ADGRL2: variants seen among roughly 807,000 people sequenced by gnomAD.
ADGRL2 encodes adhesion G protein-coupled receptor L2, also known as calcium-independent alpha-latrotoxin receptor 2.
Under a neutral mutation model 157.4 loss-of-function variants are expected in ADGRL2, and 44 were observed. The observed-to-expected ratio is 0.28, with a 90% confidence interval of 0.22 to 0.36. ADGRL2 has a LOEUF of 0.36. ADGRL2 is among the 10% of genes least tolerant of loss of function. The probability of loss-of-function intolerance (pLI) is 1.00; values close to 1 mark genes in which losing one functional copy is unlikely to be tolerated. For synonymous variants in ADGRL2, 585 were observed against 624.7 expected (o/e 0.94, Z 0.95); for missense variants, 1,510 against 1,768.9 (o/e 0.85, Z 2.63).
intron 1 of ADGRL2, among the ~76,000 whole-genome samples, chr1:81,712,258 A>G (rs2083955998): frequency 2.0e-5 from 3 of 152,208 alleles, no homozygotes. Context: ...ATGAGATTCC[A>G]TGTTGTATTG....
chr1:81,693,894 C>T (rs2083391719), intron 3 of ADGRL2, among the ~76,000 whole-genome samples: 1 of 152,136 alleles, frequency 6.6e-6, no homozygotes, highest in Non-Finnish European at 1.5e-5. Flanking sequence ...TTGATATTTA[C>T]TGTGTTCCAG....
At position 81,375,253 on chromosome 1, in the gene ADGRL2, G is replaced by T. The variant is rs1235382616; in HGVS notation, c.-302+68744G>T. 3.9e-5 allele frequency among the ~76,000 whole-genome samples: 6 copies of T among 152,176 alleles called. No homozygotes were observed. The South Asian group carries it at 6.2e-4, about 16-fold the overall frequency. ...CAAGGAGTCAAGAAAACTTCATAGA[G>T]GAGGTATCAGTATAGCCCAAAATTA... On this transcript the variant is annotated intron_variant, in intron 1 of 24. Coordinates refer to the ADGRL2 transcript ENST00000370721.
chr1:81,860,271 T>C (rs964461503), intron 2 of ADGRL2, among the ~76,000 whole-genome samples: 32 of 152,100 alleles, frequency 2.1e-4, no homozygotes, highest in Non-Finnish European at 4.1e-4. Flanking sequence ...TATTCTATAT[T>C]TTAAAGACTA....
chr1:81,572,352 G>A (rs538397239), intron 2 of ADGRL2, among the ~76,000 whole-genome samples: 3 of 152,116 alleles, frequency 2.0e-5, no homozygotes, highest in Admixed American at 6.6e-5. Context: ...TATTTCTTGA[G>A]CACCTACAAT....
At chr1:81,334,029 C>T (rs1274358345) in intron 1 of ADGRL2, among the ~76,000 whole-genome samples, 1 of 152,210 alleles carries the variant, frequency 6.6e-6, no homozygotes, top group East Asian at 1.9e-4. Flanking sequence ...TCTTAGACTT[C>T]CTAACCTCCA....
At chr1:81,308,041 G>A (rs940581222) in intron 1 of ADGRL2, among the ~76,000 whole-genome samples, 1 of 151,820 alleles carries the variant, frequency 6.6e-6, no homozygotes, top group Admixed American at 6.6e-5. Context: ...GATCCTACTG[G>A]TATGCAAGCT....
chr1:81,391,292 T>C (rs1396790753), intron 1 of ADGRL2, among the ~76,000 whole-genome samples: 2 of 152,306 alleles, frequency 1.3e-5, no homozygotes, highest in Admixed American at 6.5e-5. Flanking sequence ...GAGACTGCCG[T>C]GCTAACATCA....
chr1:81,486,284 T>C (rs755798596), intron 2 of ADGRL2, among the ~76,000 whole-genome samples: 34 of 152,302 alleles, frequency 2.2e-4, no homozygotes, highest in South Asian at 1.0e-3. Flanking sequence ...CACTCGACTA[T>C]AAGCTCCTCA....
At chr1:81,532,972 C>CATCTATCTATCTATCT (rs142768526) in intron 2 of ADGRL2, among the ~76,000 whole-genome samples, 2 of 137,498 alleles carry the variant, frequency 1.5e-5, no homozygotes, top group African/African-American at 5.6e-5. Context: ...ATCTATCTAT[C>CATCTATCTATCTATCT]ATCTATCTAT....
At chr1:81,985,620 G>A (rs1239061668) in intron 21 of ADGRL2, among the ~76,000 whole-genome samples, 1 of 151,734 alleles carries the variant, frequency 6.6e-6, no homozygotes, top group East Asian at 1.9e-4. Context: ...ACATGAAACA[G>A]TACCATGGAA....
At chr1:81,758,297 G>A (rs1349926618) in intron 1 of ADGRL2, among the ~76,000 whole-genome samples, 1 of 152,114 alleles carries the variant, frequency 6.6e-6, no homozygotes, top group Non-Finnish European at 1.5e-5. Context: ...AGCAGCATAA[G>A]TGTTGTCTGG....
chr1:81,976,868 CAT>C (rs1043156972), intron 17 of ADGRL2, among the ~76,000 whole-genome samples: 9 of 151,870 alleles, frequency 5.9e-5, no homozygotes, highest in African/African-American at 2.2e-4. Flanking sequence ...ATGTAAATAA[CAT>C]AAATAGGATT....
Position 81,663,903 on chromosome 1 carries a change from T to C in ADGRL2, c.-143+82923T>C, listed in dbSNP as rs116716371. ...AAGTATGGTAAATAGATATGGTGGA[T>C]AAAGGCTGTTTAGTATGGTTTATAT... is the stretch of plus-strand genomic sequence containing the variant. On this transcript the variant is annotated intron_variant, in intron 3 of 24. Coordinates refer to the ADGRL2 transcript ENST00000370721. 2.4e-3 allele frequency among the ~76,000 whole-genome samples: 360 copies of C among 152,308 alleles called. 1 individual carries two copies. The highest frequency in any genetic ancestry group is 8.2e-3 in the African/African-American group (339 of 41,566).
chr1:81,401,922 G>T (rs772316018), intron 1 of ADGRL2, among the ~76,000 whole-genome samples: 1 of 152,110 alleles, frequency 6.6e-6, no homozygotes, highest in Non-Finnish European at 1.5e-5. Flanking sequence ...AACTTGTTCA[G>T]CCATAGAGAA....
chr1:81,380,853 G>A (rs1182670508), intron 1 of ADGRL2, among the ~76,000 whole-genome samples: 1 of 150,406 alleles, frequency 6.6e-6, no homozygotes, highest in African/African-American at 2.4e-5. Flanking sequence ...ATGAATGGTA[G>A]GAAAAAAAAA....
At position 81,990,552 on chromosome 1, in the gene ADGRL2, A is replaced by T. The variant is rs769048815; in HGVS notation, c.3817A>T (p.Ile1273Phe). ...SLNDTAFEKMIISELVHNNLR... is the reference protein window; with the variant it reads ...SLNDTAFEKMFISELVHNNLR... ...GAATGATACTGCTTTTGAGAAAATG[A>T]TCATTTCAGAATTAGTGCACAACAA... Residue 1273 changes from isoleucine (I) to phenylalanine (F), a missense_variant, in exon 24 of 24, where the codon ATC becomes TTC. This residue lies in a region of ADGRL2 where 327 missense variants were observed against 310.1 expected (regional missense o/e 1.05). Transcript: ENST00000686636. The T allele has an allele frequency of 3.7e-6, 6 of 1,613,982 alleles. No individual in the cohort carries two copies. The highest frequency in any genetic ancestry group is 2.7e-5 in the African/African-American group (2 of 74,904).
chr1:81,740,315 T>G (rs2085032035), intron 1 of ADGRL2, among the ~76,000 whole-genome samples: 1 of 152,220 alleles, frequency 6.6e-6, no homozygotes, highest in Non-Finnish European at 1.5e-5. Flanking sequence ...AAAGGTTTAT[T>G]TGAACCAGGA....
Position 81,990,112 on chromosome 1 carries a change from A to C in ADGRL2, c.3656-279A>C, listed in dbSNP as rs182520652. On this transcript the variant is annotated intron_variant, in intron 23 of 23. Transcript: ENST00000686636. ...TCTTTGTGTCAGAGATTTGACCAAA[A>C]TCAATTAATCAGTACTGTCTCCTGA... is the stretch of plus-strand genomic sequence containing the variant. 412 of 985,386 alleles carry C rather than the reference A, an allele frequency of 4.2e-4. No homozygotes were observed. In the African/African-American group the frequency reaches 6.6e-3, roughly 16 times the overall value. 61.0% of individuals were successfully genotyped at this position (985,386 alleles called of 1,614,324 possible).
At chr1:81,533,451 C>T (rs1170374452) in intron 2 of ADGRL2, among the ~76,000 whole-genome samples, 1 of 152,120 alleles carries the variant, frequency 6.6e-6, no homozygotes, top group Non-Finnish European at 1.5e-5. Flanking sequence ...TTCTTTTGCT[C>T]TTAAGTATGT....
Sources: allele counts gnomAD v4.1 joint callset (sites outside exome capture counted in the v4.1 genomes callset), GRCh38; gene constraint gnomAD v4.1.1; regional missense constraint gnomAD v4.1.1; transcripts MANE v1.5; gene names NCBI Gene and HGNC (gene_info 2026-07-23, HGNC 2026-07-21).